Variants in PRKAR1B observed in about 807,000 individuals in gnomAD.
PRKAR1B encodes the protein protein kinase cAMP-dependent type I regulatory subunit beta.
Under a neutral mutation model 46.5 loss-of-function variants are expected in PRKAR1B, and 22 were observed. The ratio of observed to expected loss-of-function variants is 0.47; its 90% CI spans 0.34 to 0.68. The LOEUF (loss-of-function observed/expected upper bound fraction) is 0.68, where lower values mean the gene tolerates loss of function less well. Ranked by LOEUF, PRKAR1B falls within the 30% of genes least tolerant of loss-of-function variation. The pLI is 0.01. For missense variants in PRKAR1B, 445 were observed against 535.6 expected, an observed-to-expected ratio of 0.83 and a Z score of 1.67; for synonymous variants, 259 against 217.7, an observed-to-expected ratio of 1.19 and a Z score of -1.67.
upstream of PRKAR1B, among the ~76,000 whole-genome samples, chr7:728,409 G>A (rs184207947): frequency 2.6e-5 from 4 of 152,338 alleles, no homozygotes; most frequent in South Asian, 2.1e-4. Flanking sequence ...TGATAGACCC[G>A]AGTTCAGGTT....
intron 9 of PRKAR1B, among the ~76,000 whole-genome samples, chr7:571,866 T>C (rs1779536767): frequency 6.6e-6 from 1 of 152,128 alleles, no homozygotes; most frequent in Non-Finnish European, 1.5e-5. Context: ...AGCTGGACCG[T>C]CCCCGCCTCC....
intron 9 of PRKAR1B, among the ~76,000 whole-genome samples, chr7:561,707 C>T (rs1409955728): frequency 2.0e-5 from 3 of 152,166 alleles, no homozygotes; most frequent in African/African-American, 7.2e-5. Flanking sequence ...CTTCAGCGGG[C>T]GAGCCGCCCA....
intron 10 of PRKAR1B, 125 bp from the exon 11 acceptor site, chr7:550,727 A>C (rs1222562401): frequency 2.7e-6 from 2 of 728,804 alleles, no homozygotes; most frequent in East Asian, 5.7e-5. Context: ...GCACACGTGA[A>C]TTTCAAACAA....
At chr7:697,691 G>A (rs929679934) in intron 2 of PRKAR1B, among the ~76,000 whole-genome samples, 6 of 151,772 alleles carry the variant, frequency 4.0e-5, no homozygotes, top group African/African-American at 1.2e-4. Context: ...ACCTAGCAGC[G>A]GCAAATCATC....
At chr7:598,045 A>G (rs1339338332) in intron 6 of PRKAR1B, among the ~76,000 whole-genome samples, 2 of 152,180 alleles carry the variant, frequency 1.3e-5, no homozygotes, top group Non-Finnish European at 1.5e-5. Flanking sequence ...TCCAGGGTCC[A>G]CAGCACGTCG....
chr7:571,620 G>C (rs1779517502), intron 9 of PRKAR1B, among the ~76,000 whole-genome samples: 1 of 152,242 alleles, frequency 6.6e-6, no homozygotes, highest in African/African-American at 2.4e-5. Context: ...ATAGGAGGAA[G>C]CTGGGGAATT....
At position 596,136 on chromosome 7, in the gene PRKAR1B, A is replaced by T. The variant is rs776110323; in HGVS notation, c.708+10T>A. 3 of 1,609,694 alleles carry T rather than the reference A, an allele frequency of 1.9e-6. 1 individual carries two copies. In the Admixed American group the frequency reaches 5.0e-5, roughly 27 times the overall value. Reference sequence around the variant, plus strand: ...GTGTTGGCCTTCTCTGTGCTTGGGCACCAACTCACCATAAGGATGCGCCGG... The same window carrying T: ...GTGTTGGCCTTCTCTGTGCTTGGGCTCCAACTCACCATAAGGATGCGCCGG... On this transcript the variant is annotated intron_variant, in intron 7 of 10. Coordinates refer to ENST00000537384, the MANE Select transcript of PRKAR1B (RefSeq NM_001164760.2).
intron 7 of PRKAR1B, among the ~76,000 whole-genome samples, chr7:585,672 T>G (rs1310359103): frequency 6.6e-6 from 1 of 152,088 alleles, no homozygotes; most frequent in Admixed American, 6.5e-5. Context: ...TTGGACACAC[T>G]GACCCACATC....
intron 9 of PRKAR1B, among the ~76,000 whole-genome samples, chr7:569,746 G>T (rs1462675375): frequency 6.6e-6 from 1 of 152,178 alleles, no homozygotes; most frequent in African/African-American, 2.4e-5. Flanking sequence ...GCTGGCACCT[G>T]GTGGACAGCA....
rs144140454 is a variant in PRKAR1B, at chr7:677,282, G to A, written c.387C>T (p.Ala129=). 1 of 1,614,252 alleles carries A rather than the reference G, an allele frequency of 6.2e-7. No homozygotes were observed. The highest frequency in any genetic ancestry group is 2.2e-5 in the East Asian group (1 of 44,890). The change falls in exon 4 of 11, where the codon GCC becomes GCT. Residue 129 remains alanine (A), a synonymous_variant. Transcript: ENST00000537384. ...AGAGCACGTTCTTGGAGATGGCCTT[G>A]GCCAGCGCAGTCATGGTTTTGTAGT... ...PKDYKTMTAL[A]KAISKNVLFA...
chr7:578,257 C>T (rs1226551494), intron 9 of PRKAR1B, among the ~76,000 whole-genome samples: 6 of 152,100 alleles, frequency 3.9e-5, no homozygotes, highest in African/African-American at 1.4e-4. Context: ...GAATTCCTGC[C>T]GTGTCCTCAG....
chr7:684,692 C>A (rs775941292), intron 2 of PRKAR1B, among the ~76,000 whole-genome samples: 1 of 152,190 alleles, frequency 6.6e-6, no homozygotes, highest in African/African-American at 2.4e-5. Flanking sequence ...AGGCAGCCCC[C>A]CAAGGCCAGG....
rs1318147421 is a variant in PRKAR1B, at chr7:685,278, A to G, written c.178-4552T>C. Among the ~76,000 whole-genome samples, 2 of 26,418 alleles carry G rather than the reference A, an allele frequency of 7.6e-5. 1 individual carries two copies. The highest frequency in any genetic ancestry group is 2.3e-4 in the African/African-American group (2 of 8,644). 17.3% of individuals were successfully genotyped at this position (26,418 alleles called of 152,430 possible). A position where few individuals can be genotyped will look rare whatever the true frequency, so the allele number is the denominator to read the frequency against. ...TATATATACATATATACGTATATAT[A>G]CGTATATATATGTATACATATATAT... On this transcript the variant is annotated intron_variant, in intron 2 of 10. Coordinates refer to ENST00000537384, the MANE Select transcript of PRKAR1B (RefSeq NM_001164760.2).
chr7:571,703 GA>G (rs1442860789), intron 9 of PRKAR1B, among the ~76,000 whole-genome samples: 15 of 152,180 alleles, frequency 9.9e-5, no homozygotes, highest in Non-Finnish European at 1.9e-4. Context: ...AGGTCTCCGG[GA>G]GGGGAACTCC....
intron 9 of PRKAR1B, among the ~76,000 whole-genome samples, chr7:557,887 C>T (rs566066433): frequency 5.2e-4 from 79 of 152,234 alleles, no homozygotes; most frequent in African/African-American, 1.9e-3. Context: ...GATTCTAACC[C>T]GACTCTAAAA....
At chr7:620,091 C>T (rs1217343107) in intron 4 of PRKAR1B, among the ~76,000 whole-genome samples, 1 of 149,038 alleles carries the variant, frequency 6.7e-6, no homozygotes, top group Non-Finnish European at 1.5e-5. Flanking sequence ...TGGGCTCAAA[C>T]AATCCTCCCA....
intron 1 of PRKAR1B, among the ~76,000 whole-genome samples, chr7:716,399 T>G (rs1427429125): frequency 6.6e-6 from 1 of 152,090 alleles, no homozygotes; most frequent in African/African-American, 2.4e-5. Flanking sequence ...CTCGCACTTC[T>G]AAACTTTGCT....
intron 6 of PRKAR1B, among the ~76,000 whole-genome samples, chr7:599,173 C>T (rs940598968): frequency 6.6e-6 from 1 of 152,190 alleles, no homozygotes; most frequent in South Asian, 2.1e-4. Flanking sequence ...CTCGGCCGCC[C>T]GGAGGACAAA....
At chr7:665,349 G>A (rs1785845900) in intron 4 of PRKAR1B, among the ~76,000 whole-genome samples, 1 of 152,180 alleles carries the variant, frequency 6.6e-6, no homozygotes, top group South Asian at 2.1e-4. Context: ...GACGCAGCCT[G>A]CTTAACCTCT....
Sources: gnomAD v4.1 joint callset for allele counts (sites outside exome capture counted in the v4.1 genomes callset) on GRCh38, gnomAD v4.1.1 for gene constraint, MANE v1.5 for transcripts, NCBI Gene and HGNC (gene_info 2026-07-23, HGNC 2026-07-21) for gene names.